The following RNF43 variants were observed in gnomAD, a reference collection of about 807,000 sequenced individuals.
RNF43 encodes E3 ubiquitin-protein ligase RNF43.
In RNF43, 37 loss-of-function variants were observed where a neutral mutation model predicts 78.4. The observed-to-expected ratio is 0.47, with a 90% confidence interval of 0.36 to 0.62. The LOEUF (loss-of-function observed/expected upper bound fraction) is 0.62. Among genes scored for constraint, RNF43 ranks in the 20% least tolerant of loss-of-function variants. RNF43 has a pLI of 0.00. For missense variants in RNF43, 774 were observed against 1,007.9 expected (o/e 0.77, Z 3.14); for synonymous variants, 347 against 395.0 (o/e 0.88, Z 1.44).
intron 9 of RNF43, among the ~76,000 whole-genome samples, chr17:58,356,694 T>C (rs1972690307): frequency 6.6e-6 from 1 of 152,066 alleles, no homozygotes; most frequent in African/African-American, 2.4e-5. Context: ...TTCACATAGC[T>C]CTTCTTATAT....
At chr17:58,414,531 G>C (rs532709872) in intron 2 of RNF43, among the ~76,000 whole-genome samples, 1 of 152,260 alleles carries the variant, frequency 6.6e-6, no homozygotes, top group South Asian at 2.1e-4. Context: ...CTTTACTATG[G>C]GGAATGAGCA....
chr17:58,389,883 A>T (rs1367845822), intron 2 of RNF43, among the ~76,000 whole-genome samples: 2 of 152,194 alleles, frequency 1.3e-5, no homozygotes, highest in African/African-American at 4.8e-5. Context: ...ACAAAACTTG[A>T]TTTAGTTTGC....
Position 58,360,082 on chromosome 17 carries a change from C to T in RNF43, c.952+67G>A, listed in dbSNP as rs1426705013. ...CCCAGCTTCAAGGCTGCAACCCTTT[C>T]CCAAAGGGAAGCCACATTCTAGACC... On this transcript the variant is annotated intron_variant, in intron 8 of 9. Transcript: ENST00000407977. This position sits in a 1 kb window ranked among gnomAD's most constrained non-coding sequence, Gnocchi z 4.3. 5.5e-6 allele frequency: 7 copies of T among 1,265,908 alleles called. No homozygotes were observed. In the East Asian group the frequency reaches 1.2e-4, roughly 21 times the overall value. The allele number at this position is 1,265,908 out of a possible 1,614,324, so 78.4% of individuals were successfully genotyped here. A position where few individuals can be genotyped will look rare whatever the true frequency, so the allele number is the denominator to read the frequency against.
intron 5 of RNF43, 140 bp downstream of exon 5, chr17:58,363,135 C>G: frequency 9.3e-7 from 1 of 1,075,568 alleles, no homozygotes; most frequent in East Asian, 2.5e-5. Context: ...CCCAGAGGCA[C>G]ACAGCTGATG....
chr17:58,363,856 G>T (rs1972895489), intron 3 of RNF43, among the ~76,000 whole-genome samples: 2 of 152,190 alleles, frequency 1.3e-5, no homozygotes, highest in African/African-American at 4.8e-5. Context: ...AACCCTTAAG[G>T]GGGGTTTACA....
chr17:58,386,138 C>A (rs1973428468), intron 2 of RNF43, among the ~76,000 whole-genome samples: 1 of 149,816 alleles, frequency 6.7e-6, no homozygotes, highest in Non-Finnish European at 1.5e-5. Flanking sequence ...CAACAAAAAA[C>A]ACCATGCAGC....
At chr17:58,391,670 G>C (rs1973562999) in intron 2 of RNF43, among the ~76,000 whole-genome samples, 1 of 152,212 alleles carries the variant, frequency 6.6e-6, no homozygotes, top group Non-Finnish European at 1.5e-5. Flanking sequence ...ATCTTGGCCA[G>C]GTGCCCGAAA....
At chr17:58,403,440 T>C (rs1036304629) in intron 2 of RNF43, among the ~76,000 whole-genome samples, 1 of 152,200 alleles carries the variant, frequency 6.6e-6, no homozygotes, top group African/African-American at 2.4e-5. Flanking sequence ...AGAAAAGGTT[T>C]TTCTGAAGTG....
chr17:58,362,669 G>C (rs373797396), intron 5 of RNF43, 21 bp from the exon 6 acceptor site: 3 of 1,582,430 alleles, frequency 1.9e-6, no homozygotes, highest in East Asian at 2.3e-5. Context: ...AGCAGAGAGG[G>C]AAAGGGTCAT....
intron 5 of RNF43, among the ~76,000 whole-genome samples, chr17:58,362,994 CA>C (rs1179984218): frequency 1.3e-5 from 2 of 152,238 alleles, no homozygotes; most frequent in African/African-American, 4.8e-5. Context: ...GGTCATGGAT[CA>C]GGGGACCAGG....
chr17:58,374,025 G>T (rs773677468), intron 2 of RNF43, among the ~76,000 whole-genome samples: 3 of 152,118 alleles, frequency 2.0e-5, no homozygotes, highest in Non-Finnish European at 4.4e-5. Context: ...AATACTGTGG[G>T]CCAGTGATTG....
At chr17:58,377,258 A>G (rs1399871502) in intron 2 of RNF43, among the ~76,000 whole-genome samples, 1 of 152,220 alleles carries the variant, frequency 6.6e-6, no homozygotes, top group African/African-American at 2.4e-5. Context: ...GTAAGTGCTC[A>G]CTTAATGGCA....
intron 2 of RNF43, among the ~76,000 whole-genome samples, chr17:58,392,735 T>C (rs760337153): frequency 1.6e-4 from 25 of 152,272 alleles, no homozygotes; most frequent in Non-Finnish European, 3.1e-4. Context: ...TGCTCTTTTA[T>C]CCATATGTGA....
chr17:58,380,716 C>T (rs1426862056), intron 2 of RNF43, among the ~76,000 whole-genome samples: 1 of 152,216 alleles, frequency 6.6e-6, no homozygotes, highest in East Asian at 1.9e-4. Context: ...GGACTACCGG[C>T]AGAGCTACTT....
chr17:58,408,586 G>C (rs1001136579), intron 2 of RNF43, among the ~76,000 whole-genome samples: 5 of 152,056 alleles, frequency 3.3e-5, no homozygotes, highest in Admixed American at 2.6e-4. Flanking sequence ...CTGTGTAAAG[G>C]AGCACCTTAA....
chr17:58,383,932 A>C (rs1394974325), intron 2 of RNF43, among the ~76,000 whole-genome samples: 1 of 152,162 alleles, frequency 6.6e-6, no homozygotes, highest in East Asian at 1.9e-4. Context: ...CCCAAGTTTT[A>C]AAGTCTTCAG....
rs1972715283 is a variant in RNF43 at position 58,357,605 on chromosome 17, G to A, written c.2171C>T (p.Pro724Leu). 5.6e-6 allele frequency: 9 copies of A among 1,613,956 alleles called. No individual in the cohort carries two copies. Among genetic ancestry groups the A allele is most frequent in the Non-Finnish European group, 7.6e-6 (9 of 1,179,930 alleles). The change falls in exon 9 of 10, where the codon CCA becomes CTA. Residue 724 changes from proline (P) to leucine (L), a missense_variant. Physicochemically the swap from Pro to Leu is moderately conservative, Grantham distance 98. Transcript: ENST00000407977. This position sits in a 1 kb window ranked among gnomAD's most constrained non-coding sequence, Gnocchi z 4.5. ...GCGAGGAGTCAGGCACAACCACACT[G>A]GCTGTGAATTTGAGTAACAGGGGCC... ...TPGPCYSNSQPVWLCLTPRQP... is the reference protein window; with the variant it reads ...TPGPCYSNSQLVWLCLTPRQP...
chr17:58,369,380 C>T (rs965318000), intron 3 of RNF43, among the ~76,000 whole-genome samples: 1 of 152,178 alleles, frequency 6.6e-6, no homozygotes, highest in Non-Finnish European at 1.5e-5. Flanking sequence ...ATATCTTCAC[C>T]CACATTCAGA....
At chr17:58,359,836 G>A (rs554101211) in intron 8 of RNF43, among the ~76,000 whole-genome samples, 1,678 of 151,840 alleles carry the variant, frequency 0.011, 12 homozygotes, top group Middle Eastern at 0.024. Flanking sequence ...TGAGGCAGGA[G>A]AATCGCTTGA....
Sources: gnomAD v4.1 joint callset for allele counts (sites outside exome capture counted in the v4.1 genomes callset) on GRCh38, gnomAD v4.1.1 for gene constraint, Gnocchi (gnomAD v3.1) non-coding constraint, MANE v1.5 for transcripts, NCBI Gene and HGNC (gene_info 2026-07-23, HGNC 2026-07-21) for gene names.